PXN: variants seen among roughly 807,000 people sequenced by gnomAD.
PXN encodes testicular tissue protein Li 134.
A neutral mutation model predicts 103.6 loss-of-function variants in PXN; 61 were observed. The ratio of observed to expected loss-of-function variants is 0.59; its 90% CI spans 0.48 to 0.73. The LOEUF is 0.73. Ranked by LOEUF, PXN falls within the 30% of genes least tolerant of loss-of-function variation. The pLI, the probability that PXN is intolerant of heterozygous loss-of-function variation, is 0.00. For missense variants in PXN, 1,274 were observed against 1,460.3 expected, an observed-to-expected ratio of 0.87 and a Z score of 2.08; for synonymous variants, 562 against 607.8, an observed-to-expected ratio of 0.92 and a Z score of 1.11.
chr12:120,258,192 C>CAA (rs35240186), intron 1 of PXN, among the ~76,000 whole-genome samples: 4 of 118,414 alleles, frequency 3.4e-5, no homozygotes, highest in East Asian at 2.2e-4. Context: ...GACTCCGTCT[C>CAA]AAAAAAAAAA....
Position 120,213,801 on chromosome 12 carries a change from C to T in PXN, c.2979+41G>A. The T allele has an allele frequency of 6.3e-7, 1 of 1,588,142 alleles. No individual in the cohort carries two copies. Among genetic ancestry groups the T allele is most frequent in the South Asian group, 1.1e-5 (1 of 87,240 alleles). ...GAGGAAGACCCCTCTCTCCCCACTGCCTGCTCCTCGCCCCTCCAGATGTGG... is the reference window on the plus strand; with the variant it reads ...GAGGAAGACCCCTCTCTCCCCACTGTCTGCTCCTCGCCCCTCCAGATGTGG... On this transcript the variant is annotated intron_variant, in intron 14 of 14. Transcript: ENST00000637617. This position sits in a 1 kb window ranked among gnomAD's most constrained non-coding sequence, Gnocchi z 4.2.
intron 1 of PXN, among the ~76,000 whole-genome samples, chr12:120,257,465 T>A (rs1168947578): frequency 6.6e-6 from 1 of 152,122 alleles, no homozygotes; most frequent in African/African-American, 2.4e-5. Context: ...CACGCTGACA[T>A]AGATGACATG....
chr12:120,264,536 T>C (rs1160521217), intron 1 of PXN, among the ~76,000 whole-genome samples: 1 of 152,138 alleles, frequency 6.6e-6, no homozygotes, highest in East Asian at 1.9e-4. Context: ...CCCCCTTGGG[T>C]TTAGAGTCGG....
In PXN at chr12:120,224,313, C is replaced by T. The variant is rs775781111; in HGVS notation, c.78G>A (p.Ser26=). ...TTGGGTATGAGTAGGGGGTCTCCTC[C>T]GACAAGAACACAGGCCGTTTGGAGA... The part of the protein sequence containing the change: ...SHISKRPVFL[S]EETPYSYPTG... Residue 26 remains serine (S), a synonymous_variant, in exon 2 of 15, where the codon TCG becomes TCA. Coordinates refer to ENST00000637617, the MANE Select transcript of PXN (RefSeq NM_001385981.1). The surrounding 1 kb of genome is among the most constrained non-coding windows in gnomAD (Gnocchi z 5.0). The T allele has an allele frequency of 5.6e-6, 9 of 1,613,930 alleles. No individual in the cohort carries two copies. Among genetic ancestry groups the T allele is most frequent in the Admixed American group, 1.7e-5 (1 of 60,020 alleles).
At chr12:120,226,451 G>T (rs1287458488) in intron 1 of PXN, 1 of 1,287,280 alleles carries the variant, frequency 7.8e-7, no homozygotes, top group Non-Finnish European at 1.0e-6. Flanking sequence ...TGGATGAAGT[G>T]ACAATGCTGG....
chr12:120,216,717 G>T lies in PXN; in HGVS notation c.1992+124C>A. The T allele has an allele frequency of 6.3e-7, 1 of 1,594,704 alleles. No homozygotes were observed. Among genetic ancestry groups the T allele is most frequent in the Admixed American group, 1.7e-5 (1 of 59,286 alleles). ...GTGGGGCCAGTCTTCCAAAGTCACA[G>T]GAGGCAAGAAACCCCCACCCTCTCC... is the stretch of plus-strand genomic sequence containing the variant. On this transcript the variant is annotated intron_variant, in intron 8 of 14. Transcript: ENST00000637617. The surrounding 1 kb of genome is among the most constrained non-coding windows in gnomAD (Gnocchi z 5.1).
At position 120,222,989 on chromosome 12, in the gene PXN, T is replaced by G. The variant is rs1201330351; in HGVS notation, c.367A>C (p.Lys123Gln). ...EEEHVYSFPN[K>Q]QKSAEPSPTV... ...GGTGAAGGCTCAGCTGATTTCTGCTTGTTGGGGAAGCTTTGAGAGGCAAAG... is the reference window on the plus strand; with the variant it reads ...GGTGAAGGCTCAGCTGATTTCTGCTGGTTGGGGAAGCTTTGAGAGGCAAAG... The change falls in exon 4 of 15, where the codon AAG (lysine) becomes CAG (glutamine). Residue 123 changes from lysine (K) to glutamine (Q), a missense_variant. Coordinates refer to ENST00000637617, the MANE Select transcript of PXN (RefSeq NM_001385981.1). The surrounding 1 kb of genome is among the most constrained non-coding windows in gnomAD (Gnocchi z 4.7). 1 of 1,613,764 alleles carries G rather than the reference T, an allele frequency of 6.2e-7. No homozygotes were observed. Among genetic ancestry groups the G allele is most frequent in the Non-Finnish European group, 8.5e-7 (1 of 1,179,870 alleles).
In PXN at chr12:120,217,749, T is replaced by TTTG. The variant is rs761601536; in HGVS notation, c.1717-636_1717-634dup. ...CATGCACCACCACGCCTGGCTAATT[T>TTTG]TTGTTGTTGTTGTTTTTTGTTTTTT... On this transcript the variant is annotated intron_variant, in intron 7 of 14. Coordinates refer to ENST00000637617, the MANE Select transcript of PXN (RefSeq NM_001385981.1). This position sits in a 1 kb window ranked among gnomAD's most constrained non-coding sequence, Gnocchi z 4.1. Among the ~76,000 whole-genome samples the TTTG allele has an allele frequency of 6.6e-6, 1 of 151,442 alleles. No homozygotes were observed. Among genetic ancestry groups the TTTG allele is most frequent in the African/African-American group, 2.4e-5 (1 of 41,220 alleles).
At position 120,220,010 on chromosome 12, in the gene PXN, G is replaced by A. The variant is rs775724555; in HGVS notation, c.913C>T (p.Pro305Ser). 1.9e-5 allele frequency: 29 copies of A among 1,565,862 alleles called. No individual in the cohort carries two copies. The highest frequency in any genetic ancestry group is 2.3e-5 in the Non-Finnish European group (27 of 1,152,714). Reference protein sequence around the residue: ...PSSYCSLPPSPPPMPSVFLPP... With the variant: ...PSSYCSLPPSSPPMPSVFLPP... ...AGAAATACAGATGGCATGGGAGGAG[G>A]AGAAGGAGGAAGGGAGCAGTATGAG... The change falls in exon 7 of 15, where the codon CCT (proline) becomes TCT (serine). Residue 305 changes from proline to serine, a missense_variant. By Grantham distance (74) the Pro-to-Ser change is moderately conservative. Transcript: ENST00000637617. The surrounding 1 kb of genome is among the most constrained non-coding windows in gnomAD (Gnocchi z 6.1).
chr12:120,216,582 C>A lies in PXN; in HGVS notation c.1993-1G>T. On this transcript the variant is annotated splice_acceptor_variant, in intron 8 of 14. Transcript: ENST00000637617. LOFTEE classifies it high-confidence loss of function. The surrounding 1 kb of genome is among the most constrained non-coding windows in gnomAD (Gnocchi z 5.1). ...TGGGAGAGCCAGGAGGGAAGACAAC[C>A]TGGGGAGAAGAAAGGAGGGAGAGCG... 6.9e-7 allele frequency: 1 copy of A among 1,447,390 alleles called. No homozygotes were observed. 89.7% of individuals were successfully genotyped at this position (1,447,390 alleles called of 1,614,324 possible).
rs775156300 is a variant in PXN at position 120,215,248 on chromosome 12, C to T, written c.2429G>A (p.Ser810Asn). ...GGFMAQGKTG[S>N]SSPPGGPPKP... Reference sequence around the variant, plus strand: ...CGGGGGCCCCCCAGGGGGTGAGCTGCTCCCTGTCTTCCCCTGGGCCATGAA... The same window carrying T: ...CGGGGGCCCCCCAGGGGGTGAGCTGTTCCCTGTCTTCCCCTGGGCCATGAA... Residue 810 changes from serine (S) to asparagine (N), a missense_variant, in exon 11 of 15, where the codon AGC becomes AAC. Around this residue, in one of 2 missense-constraint regions of PXN, gnomAD observed 1,178 missense variants for 1,309.0 expected, o/e 0.90. Coordinates refer to ENST00000637617, the MANE Select transcript of PXN (RefSeq NM_001385981.1). This position sits in a 1 kb window ranked among gnomAD's most constrained non-coding sequence, Gnocchi z 4.9. The T allele has an allele frequency of 6.3e-7, 1 of 1,589,174 alleles. No homozygotes were observed. The highest frequency in any genetic ancestry group is 8.6e-7 in the Non-Finnish European group (1 of 1,168,736).
chr12:120,244,679 T>G (rs1273505836), intron 1 of PXN, among the ~76,000 whole-genome samples: 2 of 146,298 alleles, frequency 1.4e-5, no homozygotes, highest in African/African-American at 5.1e-5. Context: ...AAAACTTAGC[T>G]GGGCGCAGTG....
chr12:120,252,411 C>T lies in PXN; in HGVS notation c.13+13206G>A, dbSNP rs1187162493. ...GGGTCAACAGGCTGGTTAGTTTTAT[C>T]GGGGAAAAAAGCCTTCTCAAAAAGG... On this transcript the variant is annotated intron_variant, in intron 1 of 14. Transcript: ENST00000637617. Among the ~76,000 whole-genome samples the T allele has an allele frequency of 3.9e-5, 6 of 151,926 alleles. 1 individual carries two copies. The highest frequency in any genetic ancestry group is 1.5e-4 in the African/African-American group (6 of 41,354).
intron 1 of PXN, among the ~76,000 whole-genome samples, chr12:120,238,044 A>AGC (rs1166645505): frequency 6.6e-6 from 1 of 152,212 alleles, no homozygotes; most frequent in Non-Finnish European, 1.5e-5. Context: ...GGAGGCCCGG[A>AGC]GCCTTGCCAA....
At chr12:120,251,250 G>A (rs981799393) in intron 1 of PXN, among the ~76,000 whole-genome samples, 8 of 151,646 alleles carry the variant, frequency 5.3e-5, no homozygotes, top group Non-Finnish European at 1.2e-4. Context: ...CGGCATGGTG[G>A]CTCACGCCTG....
Position 120,229,304 on chromosome 12 carries a change from C to G in PXN, c.14-4927G>C, listed in dbSNP as rs993403753. ...CAGAAACAAGCCAGGCTGCTTCCTC[C>G]TACCTAAGCCCCTGCCACTTCTTAG... On this transcript the variant is annotated intron_variant, in intron 1 of 14. Transcript: ENST00000637617. The surrounding 1 kb of genome is among the most constrained non-coding windows in gnomAD (Gnocchi z 4.0). 6.6e-6 allele frequency among the ~76,000 whole-genome samples: 1 copy of G among 152,186 alleles called. No individual in the cohort carries two copies. The highest frequency in any genetic ancestry group is 2.4e-5 in the African/African-American group (1 of 41,448).
chr12:120,256,499 T>C (rs78797500), intron 1 of PXN, among the ~76,000 whole-genome samples: 2,867 of 146,460 alleles, frequency 0.02, 103 homozygotes, highest in African/African-American at 0.069. Flanking sequence ...CGGGGCCACA[T>C]GGGGCCACAG....
At position 120,265,690 on chromosome 12, in the gene PXN, T is replaced by G. The variant is rs1894604515; in HGVS notation, c.-61A>C. 1 of 1,357,558 alleles carries G rather than the reference T, an allele frequency of 7.4e-7. No homozygotes were observed. Among genetic ancestry groups the G allele is most frequent in the African/African-American group, 1.5e-5 (1 of 65,764 alleles). The allele number at this position is 1,357,558 out of a possible 1,614,324, so 84.1% of individuals were successfully genotyped here. Reference sequence around the variant, plus strand: ...GCTGCCCGTCCCGGGGCCGCTCGTCTATGCCCCGCAACTTTTCCGCCGCGA... The same window carrying G: ...GCTGCCCGTCCCGGGGCCGCTCGTCGATGCCCCGCAACTTTTCCGCCGCGA... On this transcript the variant is annotated 5_prime_UTR_variant, in exon 1 of 15. Coordinates refer to ENST00000637617, the MANE Select transcript of PXN (RefSeq NM_001385981.1). The surrounding 1 kb of genome is among the most constrained non-coding windows in gnomAD (Gnocchi z 5.7).
In PXN at chr12:120,215,560, C is replaced by A. The variant is rs748117159; in HGVS notation, c.2403G>T (p.Gly801=). 5.0e-6 allele frequency: 8 copies of A among 1,585,108 alleles called. No individual in the cohort carries two copies. The highest frequency in any genetic ancestry group is 6.0e-6 in the Non-Finnish European group (7 of 1,167,004). Residue 801 remains glycine, a splice_region_variant and synonymous_variant, in exon 10 of 15, where the codon GGG becomes GGT. Transcript: ENST00000637617. The surrounding 1 kb of genome is among the most constrained non-coding windows in gnomAD (Gnocchi z 4.9). The part of the protein sequence containing the change: ...RSSPGGQDEG[G]FMAQGKTGSS... Reference sequence around the variant, plus strand: ...CACCCAGCCCAGCCTTGGCACTGACCCCTCCCTCGTCCTGCCCTCCGGGGC... The same window carrying A: ...CACCCAGCCCAGCCTTGGCACTGACACCTCCCTCGTCCTGCCCTCCGGGGC...
Sources: gnomAD v4.1 joint callset for allele counts (sites outside exome capture counted in the v4.1 genomes callset) on GRCh38, gnomAD v4.1.1 for gene constraint, gnomAD v4.1.1 regional missense constraint, Gnocchi (gnomAD v3.1) non-coding constraint, MANE v1.5 for transcripts, NCBI Gene and HGNC (gene_info 2026-07-23, HGNC 2026-07-21) for gene names.